Variants in RBFOX1 observed in about 807,000 individuals in gnomAD.
The protein encoded by RBFOX1 is RNA binding fox-1 homolog 1, also known as RNA binding protein fox-1 homolog 1.
Under a neutral mutation model 57.7 loss-of-function variants are expected in RBFOX1, and 8 were observed. The observed-to-expected ratio is 0.14, with a 90% CI of 0.08 to 0.25. The LOEUF (loss-of-function observed/expected upper bound fraction) is 0.25. RBFOX1 is among the 10% of genes least tolerant of loss of function. The probability of loss-of-function intolerance (pLI) is 1.00; values close to 1 mark genes in which losing one functional copy is unlikely to be tolerated. For synonymous variants in RBFOX1, 326 were observed against 222.4 expected (o/e 1.47, Z -4.15); for missense variants, 611 against 548.5 (o/e 1.11, Z -1.14).
chr16:6,964,648 A>G (rs760981604), intron 3 of RBFOX1, among the ~76,000 whole-genome samples: 1 of 152,218 alleles, frequency 6.6e-6, no homozygotes, highest in Non-Finnish European at 1.5e-5. Context: ...AAATAAAAAT[A>G]CATTTTGACA....
intron 6 of RBFOX1, among the ~76,000 whole-genome samples, chr16:7,581,969 G>A (rs1041713245): frequency 2.2e-4 from 34 of 151,724 alleles, no homozygotes; most frequent in African/African-American, 7.8e-4. Flanking sequence ...CTCCCGCCTT[G>A]GCCTCCCAAT....
At chr16:7,537,115 T>C (rs2081651383) in intron 5 of RBFOX1, among the ~76,000 whole-genome samples, 1 of 152,186 alleles carries the variant, frequency 6.6e-6, no homozygotes, top group Non-Finnish European at 1.5e-5. Flanking sequence ...TTGGGAATGA[T>C]CTGACCACCA....
At chr16:6,684,084 G>A (rs1472650818) in intron 3 of RBFOX1, among the ~76,000 whole-genome samples, 3 of 152,110 alleles carry the variant, frequency 2.0e-5, no homozygotes, top group Admixed American at 6.5e-5. Context: ...GTGTGTACAC[G>A]GTATGTTCAA....
chr16:7,367,020 G>T (rs1225108272), intron 4 of RBFOX1, among the ~76,000 whole-genome samples: 1 of 151,912 alleles, frequency 6.6e-6, no homozygotes, highest in African/African-American at 2.4e-5. Flanking sequence ...AATTGCAGAT[G>T]GGTTTTCTGG....
chr16:6,095,373 A>G (rs1478385130), intron 1 of RBFOX1, among the ~76,000 whole-genome samples: 2 of 152,196 alleles, frequency 1.3e-5, no homozygotes, highest in African/African-American at 4.8e-5. Flanking sequence ...ATGAAACTCC[A>G]ACACCTCACT....
In RBFOX1 at chr16:6,004,519, A is replaced by G. The variant is rs545533806; in HGVS notation, c.351+137184A>G. ...TTGGCATATCAGAGACTTTTAGTCT[A>G]TGGCCACTCAATGAATGTCCAGAAG... On this transcript the variant is annotated intron_variant, in intron 4 of 19. Transcript: ENST00000641259. Among the ~76,000 whole-genome samples the G allele has an allele frequency of 8.5e-5, 13 of 152,354 alleles. No homozygotes were observed. In the East Asian group the frequency reaches 9.7e-4, roughly 11 times the overall value.
intron 4 of RBFOX1, among the ~76,000 whole-genome samples, chr16:7,502,678 G>A (rs1051611025): frequency 1.3e-5 from 2 of 152,112 alleles, no homozygotes; most frequent in African/African-American, 4.8e-5. Flanking sequence ...ATGTGGTGAG[G>A]CATAAACTTT....
chr16:6,171,096 G>C (rs1346897779), intron 1 of RBFOX1, among the ~76,000 whole-genome samples: 1 of 152,148 alleles, frequency 6.6e-6, no homozygotes, highest in African/African-American at 2.4e-5. Flanking sequence ...ATTCTTCTGG[G>C]TATATACCCA....
intron 1 of RBFOX1, among the ~76,000 whole-genome samples, chr16:6,243,818 G>T (rs1178284669): frequency 6.6e-6 from 1 of 152,172 alleles, no homozygotes; most frequent in Non-Finnish European, 1.5e-5. Context: ...TGGCTCCAGT[G>T]ATGGGAGATC....
At chr16:7,242,555 A>G (rs914846234) in intron 4 of RBFOX1, among the ~76,000 whole-genome samples, 2 of 152,216 alleles carry the variant, frequency 1.3e-5, no homozygotes, top group African/African-American at 4.8e-5. Flanking sequence ...AACACGTGGC[A>G]ACTTGGACAT....
intron 1 of RBFOX1, among the ~76,000 whole-genome samples, chr16:6,178,832 C>T (rs923861988): frequency 2.0e-5 from 3 of 152,128 alleles, no homozygotes; most frequent in African/African-American, 7.2e-5. Context: ...TTTTCACTTG[C>T]AAATGAAGGT....
At chr16:6,789,580 A>G (rs1317714802) in intron 3 of RBFOX1, among the ~76,000 whole-genome samples, 2 of 152,198 alleles carry the variant, frequency 1.3e-5, no homozygotes, top group Admixed American at 1.3e-4. Context: ...ATCCATAGAC[A>G]GTGGGGACTG....
At chr16:7,007,695 T>C (rs1378172885) in intron 3 of RBFOX1, among the ~76,000 whole-genome samples, 1 of 152,200 alleles carries the variant, frequency 6.6e-6, no homozygotes, top group African/African-American at 2.4e-5. Flanking sequence ...GCATGTACTT[T>C]TGCTGCTAAT....
intron 4 of RBFOX1, among the ~76,000 whole-genome samples, chr16:7,188,556 C>T (rs913257602): frequency 1.3e-5 from 2 of 152,138 alleles, no homozygotes; most frequent in African/African-American, 2.4e-5. Context: ...TCACCCACCT[C>T]GTTCCCTGAA....
chr16:6,216,970 T>G (rs1344530716), intron 1 of RBFOX1, among the ~76,000 whole-genome samples: 2 of 152,288 alleles, frequency 1.3e-5, no homozygotes, highest in East Asian at 3.9e-4. Context: ...TTTGCCCACT[T>G]AAACTGAAGC....
intron 3 of RBFOX1, among the ~76,000 whole-genome samples, chr16:6,758,006 C>G (rs2076067198): frequency 6.6e-6 from 1 of 152,126 alleles, no homozygotes; most frequent in Admixed American, 6.6e-5. Flanking sequence ...ACCCTGTCCT[C>G]TATTACATTG....
At chr16:5,912,017 A>C (rs532394752) in intron 4 of RBFOX1, among the ~76,000 whole-genome samples, 7 of 152,248 alleles carry the variant, frequency 4.6e-5, no homozygotes, top group African/African-American at 1.7e-4. Context: ...AGAACCTCTA[A>C]AATAATGATC....
At chr16:6,751,808 A>G (rs1216525375) in intron 3 of RBFOX1, among the ~76,000 whole-genome samples, 2 of 152,110 alleles carry the variant, frequency 1.3e-5, no homozygotes, top group African/African-American at 2.4e-5. Flanking sequence ...CCCACTTGCT[A>G]TTATTTTCAT....
At chr16:5,908,095 T>TATATATATATACACACAC (rs1567133450) in intron 4 of RBFOX1, among the ~76,000 whole-genome samples, 1 of 139,888 alleles carries the variant, frequency 7.1e-6, no homozygotes, top group African/African-American at 3.0e-5. Flanking sequence ...TACACATATA[T>TATATATATATACACACAC]ACACATATAT....
Sources: allele counts gnomAD v4.1 joint callset (sites outside exome capture counted in the v4.1 genomes callset), GRCh38; gene constraint gnomAD v4.1.1; transcripts MANE v1.5; gene names NCBI Gene and HGNC (gene_info 2026-07-23, HGNC 2026-07-21).